Variants in ELOVL5 observed in about 807,000 individuals in gnomAD.
The protein encoded by ELOVL5 is ELOVL fatty acid elongase 5.
Under a neutral mutation model 38.6 loss-of-function variants are expected in ELOVL5, and 8 were observed. The observed-to-expected ratio is 0.21, with a 90% CI of 0.12 to 0.37. The LOEUF (loss-of-function observed/expected upper bound fraction) is 0.37, where lower values mean the gene tolerates loss of function less well. Among genes scored for constraint, ELOVL5 ranks in the 10% least tolerant of loss-of-function variants. The pLI is 1.00. For missense variants in ELOVL5, 280 were observed against 367.8 expected (o/e 0.76, Z 1.95); for synonymous variants, 127 against 133.7 (o/e 0.95, Z 0.34).
At chr6:53,303,145 A>G (rs1767328171) in intron 1 of ELOVL5, among the ~76,000 whole-genome samples, 1 of 152,234 alleles carries the variant, frequency 6.6e-6, no homozygotes, top group Non-Finnish European at 1.5e-5. Context: ...TAGAATTTAA[A>G]AAGATTTTTC....
chr6:53,339,029 C>A (rs1700349788), intron 1 of ELOVL5, among the ~76,000 whole-genome samples: 1 of 150,328 alleles, frequency 6.7e-6, no homozygotes, highest in Non-Finnish European at 1.5e-5. Context: ...AAACACATTT[C>A]TTTTTTAAAA....
At chr6:53,309,300 T>G (rs555870603) in intron 1 of ELOVL5, among the ~76,000 whole-genome samples, 25 of 152,074 alleles carry the variant, frequency 1.6e-4, no homozygotes, top group Admixed American at 1.6e-3. Flanking sequence ...GCTGACAGGC[T>G]GCTGCTGCTG....
chr6:53,299,845 T>C lies in ELOVL5; in HGVS notation c.-8-4138A>G, dbSNP rs969540536. On this transcript the variant is annotated intron_variant, in intron 1 of 7. Coordinates refer to ENST00000304434, the MANE Select transcript of ELOVL5 (RefSeq NM_021814.5). ...ACATCTGTTCTTAGACTGCATTTCT[T>C]CTCGGCTTGAGAATTTTTCTCCTAG... is the stretch of plus-strand genomic sequence containing the variant. Among the ~76,000 whole-genome samples, 3 of 152,212 alleles carry C rather than the reference T, an allele frequency of 2.0e-5. No homozygotes were observed. In the East Asian group the frequency reaches 5.8e-4, roughly 29 times the overall value.
At chr6:53,305,212 C>A (rs1767450421) in intron 1 of ELOVL5, among the ~76,000 whole-genome samples, 1 of 147,914 alleles carries the variant, frequency 6.8e-6, no homozygotes, top group Admixed American at 6.7e-5. Context: ...GCTGACCCCC[C>A]ACCTCCCTCC....
At chr6:53,328,815 T>C (rs1768659962) in intron 1 of ELOVL5, among the ~76,000 whole-genome samples, 1 of 152,214 alleles carries the variant, frequency 6.6e-6, no homozygotes, top group Non-Finnish European at 1.5e-5. Context: ...CACTGAGACC[T>C]TAATCTCTTC....
At chr6:53,335,541 C>G (rs1056608470) in intron 1 of ELOVL5, among the ~76,000 whole-genome samples, 1 of 152,056 alleles carries the variant, frequency 6.6e-6, no homozygotes, top group South Asian at 2.1e-4. Context: ...CCTGTTTACT[C>G]GCAGGGCACA....
chr6:53,290,135 G>A (rs1193271155), intron 3 of ELOVL5: 1 of 152,154 alleles, frequency 6.6e-6, no homozygotes, highest in Non-Finnish European at 1.5e-5. Flanking sequence ...CATCCACTCA[G>A]ATGCACACAG....
chr6:53,273,115 G>T, intron 6 of ELOVL5, 105 bp downstream of exon 6: 1 of 1,196,506 alleles, frequency 8.4e-7, no homozygotes, highest in Non-Finnish European at 1.2e-6. Flanking sequence ...AAATGAAAAA[G>T]GGTGGAGAAG....
At chr6:53,305,032 G>C (rs1272808116) in intron 1 of ELOVL5, among the ~76,000 whole-genome samples, 1 of 146,062 alleles carries the variant, frequency 6.8e-6, no homozygotes, top group Non-Finnish European at 1.5e-5. Flanking sequence ...CCTCCCGGAC[G>C]GGGCGGCTGG....
chr6:53,316,655 A>G (rs951457256), intron 1 of ELOVL5, among the ~76,000 whole-genome samples: 2 of 150,392 alleles, frequency 1.3e-5, no homozygotes, highest in African/African-American at 4.9e-5. Context: ...ACAGCAGGAG[A>G]GGGAATGCAG....
At chr6:53,279,587 G>A (rs191559211) in intron 3 of ELOVL5, among the ~76,000 whole-genome samples, 18 of 152,332 alleles carry the variant, frequency 1.2e-4, no homozygotes, top group Non-Finnish European at 2.5e-4. Flanking sequence ...CTAAACAAAT[G>A]ACAAAGAGTT....
At chr6:53,288,109 C>G (rs1561868808) in intron 3 of ELOVL5, among the ~76,000 whole-genome samples, 1 of 152,162 alleles carries the variant, frequency 6.6e-6, no homozygotes, top group South Asian at 2.1e-4. Flanking sequence ...GCTTTGATAG[C>G]TCACTGGATG....
chr6:53,294,526 G>A, intron 2 of ELOVL5: 1 of 1,535,000 alleles, frequency 6.5e-7, no homozygotes, highest in South Asian at 1.2e-5. Flanking sequence ...ACAAGAACAA[G>A]GATCCTTGGT....
chr6:53,338,552 T>C (rs942357163), intron 1 of ELOVL5, among the ~76,000 whole-genome samples: 5 of 152,202 alleles, frequency 3.3e-5, no homozygotes, highest in African/African-American at 1.2e-4. Flanking sequence ...AAGCATCTTG[T>C]AGAGAAGACA....
intron 1 of ELOVL5, among the ~76,000 whole-genome samples, chr6:53,297,540 T>G (rs999007399): frequency 3.9e-5 from 6 of 152,188 alleles, no homozygotes; most frequent in African/African-American, 1.4e-4. Flanking sequence ...TGTAACCTTC[T>G]GGGTTATCAG....
intron 1 of ELOVL5, among the ~76,000 whole-genome samples, chr6:53,295,923 A>T (rs1357416170): frequency 6.6e-6 from 1 of 152,236 alleles, no homozygotes; most frequent in Non-Finnish European, 1.5e-5. Context: ...AGTTCACTTT[A>T]TAAATGAAGT....
chr6:53,313,493 T>C (rs949388131), intron 1 of ELOVL5, among the ~76,000 whole-genome samples: 3 of 152,070 alleles, frequency 2.0e-5, no homozygotes, highest in African/African-American at 4.8e-5. Context: ...CCTGAGTAGC[T>C]TGGGACTACA....
chr6:53,282,054 C>T (rs1460862319), intron 3 of ELOVL5, among the ~76,000 whole-genome samples: 2 of 152,170 alleles, frequency 1.3e-5, no homozygotes, highest in East Asian at 3.8e-4. Flanking sequence ...TCAGGCCTCC[C>T]AGAACTTTCC....
rs753005950 is a variant in ELOVL5, at chr6:53,348,832, G to A, written c.-24C>T. On this transcript the variant is annotated 5_prime_UTR_variant, in exon 1 of 8. Coordinates refer to ENST00000304434, the MANE Select transcript of ELOVL5 (RefSeq NM_021814.5). ...ACGGCTTTACCTTTTAGCCCAAGGG[G>A]CGGCAGCAGCTTTGAGCAGCAGCAA... 5.5e-5 allele frequency: 25 copies of A among 457,508 alleles called. No individual in the cohort carries two copies. The highest frequency in any genetic ancestry group is 3.8e-4 in the South Asian group (25 of 65,016). 28.3% of individuals were successfully genotyped at this position (457,508 alleles called of 1,614,324 possible).
Sources: gnomAD v4.1 joint callset for allele counts (sites outside exome capture counted in the v4.1 genomes callset) on GRCh38, gnomAD v4.1.1 for gene constraint, MANE v1.5 for transcripts, NCBI Gene and HGNC (gene_info 2026-07-23, HGNC 2026-07-21) for gene names.